Variants in KDM4C observed in about 807,000 individuals in gnomAD.
KDM4C encodes lysine-specific demethylase 4C.
Under a neutral mutation model 129.3 loss-of-function variants are expected in KDM4C, and 81 were observed. The observed-to-expected ratio is 0.63, with a 90% confidence interval of 0.52 to 0.75. KDM4C has a LOEUF of 0.75. KDM4C is among the 30% of genes least tolerant of loss of function. The pLI is 0.00. For missense variants in KDM4C, 1,457 were observed against 1,304.0 expected, an observed-to-expected ratio of 1.12 and a Z score of -1.81; for synonymous variants, 573 against 456.1, an observed-to-expected ratio of 1.26 and a Z score of -3.26.
chr9:7,130,138 G>C (rs1296631346), intron 19 of KDM4C, among the ~76,000 whole-genome samples: 1 of 152,188 alleles, frequency 6.6e-6, no homozygotes, highest in African/African-American at 2.4e-5. Context: ...GCCTTCTCTT[G>C]TGAAGACTGT....
chr9:6,834,520 C>T (rs1564120913), intron 4 of KDM4C: 2 of 658,596 alleles, frequency 3.0e-6, no homozygotes, highest in African/African-American at 1.8e-5. Context: ...GCTGGCTTCG[C>T]AGGTGACGAT....
chr9:7,155,169 G>T (rs1465164345), intron 19 of KDM4C, among the ~76,000 whole-genome samples: 1 of 152,088 alleles, frequency 6.6e-6, no homozygotes, highest in Non-Finnish European at 1.5e-5. Context: ...TGTGCCCCAG[G>T]GTTGGGAACA....
chr9:6,948,489 A>ATTT (rs146059076), intron 8 of KDM4C, among the ~76,000 whole-genome samples: 5 of 127,298 alleles, frequency 3.9e-5, no homozygotes, highest in Non-Finnish European at 3.3e-5. Flanking sequence ...TGCTGTTTGC[A>ATTT]TTTTTTTTTT....
At chr9:6,856,809 C>CT (rs1411407721) in intron 5 of KDM4C, among the ~76,000 whole-genome samples, 9 of 144,992 alleles carry the variant, frequency 6.2e-5, no homozygotes, top group Non-Finnish European at 1.3e-4. Flanking sequence ...GGACTGCGGA[C>CT]TGCAGTGGCG....
intron 4 of KDM4C, among the ~76,000 whole-genome samples, chr9:6,840,041 T>A (rs1564133704): frequency 1.3e-5 from 2 of 152,090 alleles, no homozygotes; most frequent in Non-Finnish European, 2.9e-5. Flanking sequence ...AGATGATACA[T>A]TTGCTGTTGA....
chr9:6,815,891 TTCTA>T (rs1831998292), intron 4 of KDM4C, among the ~76,000 whole-genome samples: 1 of 152,240 alleles, frequency 6.6e-6, no homozygotes, highest in Admixed American at 6.5e-5. Flanking sequence ...TTATCTCTGT[TTCTA>T]TCTGTCTGTC....
At position 7,087,936 on chromosome 9, in the gene KDM4C, C is replaced by T. The variant is rs78736618; in HGVS notation, c.2425-15749C>T. Among the ~76,000 whole-genome samples the T allele has an allele frequency of 8.6e-3, 1,313 of 152,316 alleles. 26 individuals are homozygous for T. The highest frequency in any genetic ancestry group is 0.03 in the African/African-American group (1,249 of 41,562). ...CTATCTACATCCAGTTTATGGAGAA[C>T]GCCGATTTGTAATCTTACAGTGATT... On this transcript the variant is annotated intron_variant, in intron 17 of 21. Coordinates refer to ENST00000381309, the MANE Select transcript of KDM4C (RefSeq NM_015061.6).
chr9:7,083,808 C>T (rs544001155), intron 17 of KDM4C, among the ~76,000 whole-genome samples: 39 of 151,420 alleles, frequency 2.6e-4, no homozygotes, highest in African/African-American at 8.7e-4. Context: ...CCTTCCCTAT[C>T]ATCACTTCTT....
chr9:6,769,866 G>A (rs1031949811), intron 1 of KDM4C, among the ~76,000 whole-genome samples: 2 of 152,146 alleles, frequency 1.3e-5, no homozygotes, highest in African/African-American at 4.8e-5. Flanking sequence ...ATTAATGAGG[G>A]TTTGGTCATG....
At chr9:6,910,760 T>C (rs992832024) in intron 8 of KDM4C, among the ~76,000 whole-genome samples, 1 of 152,224 alleles carries the variant, frequency 6.6e-6, no homozygotes, top group African/African-American at 2.4e-5. Flanking sequence ...ATGTATTTAT[T>C]TGGATAGTCT....
chr9:7,140,680 C>G (rs1276745371), intron 19 of KDM4C, among the ~76,000 whole-genome samples: 1 of 152,178 alleles, frequency 6.6e-6, no homozygotes, highest in Non-Finnish European at 1.5e-5. Context: ...CCCAAGTTTT[C>G]TTACAGTGAG....
intron 17 of KDM4C, 87 bp from the exon 18 acceptor site, chr9:7,103,598 T>A: frequency 1.0e-6 from 1 of 976,184 alleles, no homozygotes; most frequent in Non-Finnish European, 1.5e-6. Context: ...TTTTTTTTCT[T>A]CTCTAGTAGC....
At chr9:7,024,882 A>G (rs1825540736) in intron 15 of KDM4C, among the ~76,000 whole-genome samples, 1 of 152,146 alleles carries the variant, frequency 6.6e-6, no homozygotes, top group African/African-American at 2.4e-5. Context: ...TGGTATTTGT[A>G]GTTCTAGATC....
At chr9:6,977,184 G>T (rs1319674870) in intron 8 of KDM4C, among the ~76,000 whole-genome samples, 1 of 152,070 alleles carries the variant, frequency 6.6e-6, no homozygotes, top group Non-Finnish European at 1.5e-5. Flanking sequence ...ATAAGAGTTT[G>T]CCATCGGCTC....
chr9:6,820,712 CTCTTT>C (rs1474292188), intron 4 of KDM4C, among the ~76,000 whole-genome samples: 3 of 102,558 alleles, frequency 2.9e-5, no homozygotes, highest in Non-Finnish European at 5.9e-5. Context: ...CTCTCTCTCT[CTCTTT>C]TTTTTTTTTT....
chr9:6,886,079 C>T (rs1406008503), intron 6 of KDM4C, among the ~76,000 whole-genome samples: 1 of 152,176 alleles, frequency 6.6e-6, no homozygotes, highest in African/African-American at 2.4e-5. Context: ...TTTATAAAAA[C>T]GTTCCCATGG....
At position 7,049,073 on chromosome 9, in the gene KDM4C, A is replaced by G. The variant is rs769054545; in HGVS notation, c.2316-19A>G. ...GTTTAGGGAACTTTTGTTTATGTTT[A>G]ATGTCTCCTTTCCTGTAGGTGGGCC... is the stretch of plus-strand genomic sequence containing the variant. On this transcript the variant is annotated intron_variant, in intron 16 of 21. Transcript: ENST00000381309. 6.4e-7 allele frequency: 1 copy of G among 1,565,176 alleles called. No individual in the cohort carries two copies. Among genetic ancestry groups the G allele is most frequent in the East Asian group, 2.2e-5 (1 of 44,590 alleles).
chr9:6,968,383 C>A (rs1831373504), intron 8 of KDM4C, among the ~76,000 whole-genome samples: 2 of 152,106 alleles, frequency 1.3e-5, no homozygotes, highest in African/African-American at 2.4e-5. Flanking sequence ...ACCAAGATTA[C>A]CATTTATGTG....
intron 1 of KDM4C, chr9:6,735,028 G>T: frequency 2.0e-6 from 1 of 500,816 alleles, no homozygotes; most frequent in South Asian, 1.6e-5. Context: ...GCTATTGTAA[G>T]AGTTTCTCAT....
Sources: allele counts gnomAD v4.1 joint callset (sites outside exome capture counted in the v4.1 genomes callset), GRCh38; gene constraint gnomAD v4.1.1; transcripts MANE v1.5; gene names NCBI Gene and HGNC (gene_info 2026-07-23, HGNC 2026-07-21).